PKHD1: variants seen among roughly 807,000 people sequenced by gnomAD.
PKHD1 encodes fibrocystin.
Under a neutral mutation model 412.0 loss-of-function variants are expected in PKHD1, and 291 were observed. That is an observed-to-expected ratio of 0.71 (90% CI 0.64 to 0.78). PKHD1 has a LOEUF of 0.78. PKHD1 is among the 30% of genes least tolerant of loss of function. The pLI is 0.00. For synonymous variants in PKHD1, 1,777 were observed against 1,821.5 expected (o/e 0.98, Z 0.62); for missense variants, 4,825 against 4,950.7 (o/e 0.97, Z 0.76).
intron 60 of PKHD1, among the ~76,000 whole-genome samples, chr6:51,724,656 G>A (rs892904203): frequency 1.3e-5 from 2 of 152,110 alleles, no homozygotes; most frequent in Admixed American, 1.3e-4. Flanking sequence ...ATGACCCTAA[G>A]ATGGCCATGT....
chr6:51,869,576 A>G (rs1414764126), intron 47 of PKHD1, among the ~76,000 whole-genome samples: 1 of 152,152 alleles, frequency 6.6e-6, no homozygotes, highest in Non-Finnish European at 1.5e-5. Flanking sequence ...AGCCAATACT[A>G]TTCAGTGAAA....
intron 37 of PKHD1, among the ~76,000 whole-genome samples, chr6:51,912,980 T>C (rs567345207): frequency 6.6e-6 from 1 of 152,100 alleles, no homozygotes; most frequent in East Asian, 1.9e-4. Context: ...CATCATAGGG[T>C]TTTGGAAGGA....
intron 60 of PKHD1, chr6:51,741,206 C>T (rs749752086): frequency 5.8e-6 from 3 of 518,690 alleles, no homozygotes; most frequent in South Asian, 2.8e-5. Flanking sequence ...AAAATGAACA[C>T]TCTTATGATT....
In PKHD1 at chr6:51,847,873, C is replaced by T. The variant is rs1583013252; in HGVS notation, c.8009G>A (p.Ser2670Asn). ...AAATGGAAAAGACAGACCCACTCGA[C>T]TCCCACATCTTAGGAGGATGTCAGG... ...PYPDILLRCG[S>N]RVGLSFPFLP... The change falls in exon 50 of 67, where the codon AGT (serine) becomes AAT (asparagine). Residue 2670 changes from serine to asparagine, a missense_variant. Ser to Asn is a conservative substitution (Grantham distance 46). Transcript: ENST00000371117. The T allele has an allele frequency of 6.2e-7, 1 of 1,613,768 alleles. No individual in the cohort carries two copies. The highest frequency in any genetic ancestry group is 8.5e-7 in the Non-Finnish European group (1 of 1,179,628).
intron 37 of PKHD1, among the ~76,000 whole-genome samples, chr6:51,926,047 CA>C (rs1473234955): frequency 1.4e-5 from 2 of 145,566 alleles, no homozygotes; most frequent in African/African-American, 5.0e-5. Flanking sequence ...AAAATAAATA[CA>C]AAAAAATGTG....
At chr6:51,695,872 CTG>C (rs1451317799) in intron 60 of PKHD1, among the ~76,000 whole-genome samples, 8 of 152,068 alleles carry the variant, frequency 5.3e-5, no homozygotes, top group Non-Finnish European at 8.8e-5. Flanking sequence ...TATCTTGTGT[CTG>C]TTGTACATTT....
At position 51,917,091 on chromosome 6, in the gene PKHD1, C is replaced by T. The variant is rs2127688434; in HGVS notation, c.6122-4515G>A. ...AAAATCACTAATTGTCCTCTGTTTGCTTACTTTGTAGGACTTAAATCTTTA... is the reference window on the plus strand; with the variant it reads ...AAAATCACTAATTGTCCTCTGTTTGTTTACTTTGTAGGACTTAAATCTTTA... On this transcript the variant is annotated intron_variant, in intron 37 of 66. Coordinates refer to ENST00000371117, the MANE Select transcript of PKHD1 (RefSeq NM_138694.4). Among the ~76,000 whole-genome samples the T allele has an allele frequency of 2.2e-5, 3 of 134,252 alleles. No individual in the cohort carries two copies. The Admixed American group carries it at 2.7e-4, about 12-fold the overall frequency. 88.1% of individuals were successfully genotyped at this position (134,252 alleles called of 152,430 possible).
intron 14 of PKHD1, among the ~76,000 whole-genome samples, chr6:52,061,326 G>A (rs1024289323): frequency 2.0e-5 from 3 of 151,990 alleles, no homozygotes; most frequent in Non-Finnish European, 4.4e-5. Context: ...GTAGCTACAG[G>A]TGCACACCAT....
intron 40 of PKHD1, among the ~76,000 whole-genome samples, chr6:51,908,170 C>T (rs919427473): frequency 2.0e-5 from 3 of 152,086 alleles, no homozygotes; most frequent in African/African-American, 7.2e-5. Flanking sequence ...GCGGAGCCAT[C>T]CTCTGAAATG....
chr6:51,780,371 A>G (rs1030297461), intron 53 of PKHD1, among the ~76,000 whole-genome samples: 12 of 151,904 alleles, frequency 7.9e-5, no homozygotes, highest in Non-Finnish European at 1.8e-4. Context: ...CTGGTGACAG[A>G]GAAAGACTCC....
chr6:51,993,600 G>A (rs926557180), intron 35 of PKHD1, among the ~76,000 whole-genome samples: 6 of 152,222 alleles, frequency 3.9e-5, no homozygotes, highest in African/African-American at 1.4e-4. Context: ...CAAACTGGAA[G>A]CTGAAGTTGA....
intron 60 of PKHD1, among the ~76,000 whole-genome samples, chr6:51,729,546 T>G (rs1783000432): frequency 6.6e-6 from 1 of 152,172 alleles, no homozygotes; most frequent in Non-Finnish European, 1.5e-5. Flanking sequence ...TTTTACTGTT[T>G]TATTTATTCA....
chr6:51,950,220 A>AAAAAAATATATATATATATAT lies in PKHD1; in HGVS notation c.5908+9649_5908+9650insATATATATATATATATTTTTT. ...AATGGGCAATATAGAGAAAAAAAAA[A>AAAAAAATATATATATATATAT]ATATATATATATATATATATGAAAT... is the stretch of plus-strand genomic sequence containing the variant. On this transcript the variant is annotated intron_variant, in intron 36 of 66. Coordinates refer to ENST00000371117, the MANE Select transcript of PKHD1 (RefSeq NM_138694.4). 5.4e-4 allele frequency among the ~76,000 whole-genome samples: 53 copies of AAAAAAATATATATATATATAT among 98,286 alleles called. No individual in the cohort carries two copies. The East Asian group carries it at 5.4e-3, about 10-fold the overall frequency. The allele number at this position is 98,286 out of a possible 152,430, so 64.5% of individuals were successfully genotyped here.
intron 50 of PKHD1, among the ~76,000 whole-genome samples, chr6:51,845,525 T>C (rs72907915): frequency 0.033 from 5,079 of 152,368 alleles, 114 homozygotes; most frequent in Non-Finnish European, 0.055. Flanking sequence ...TTATTCCTTT[T>C]CCAACTCATA....
intron 53 of PKHD1, among the ~76,000 whole-genome samples, chr6:51,776,910 G>T (rs1178153178): frequency 6.6e-6 from 1 of 152,046 alleles, no homozygotes; most frequent in African/African-American, 2.4e-5. Flanking sequence ...ATTGTTCAGG[G>T]AATTTGTCAA....
intron 60 of PKHD1, among the ~76,000 whole-genome samples, chr6:51,694,186 G>C (rs1778504048): frequency 6.6e-6 from 1 of 151,808 alleles, no homozygotes; most frequent in Non-Finnish European, 1.5e-5. Context: ...CAGCTTGTTA[G>C]TTTTTAACAA....
intron 6 of PKHD1, among the ~76,000 whole-genome samples, chr6:52,074,173 G>C (rs1475052733): frequency 6.6e-6 from 1 of 152,194 alleles, no homozygotes; most frequent in Non-Finnish European, 1.5e-5. Context: ...AGCATACTGA[G>C]GGACTCATGA....
intron 60 of PKHD1, among the ~76,000 whole-genome samples, chr6:51,736,257 C>T (rs965563694): frequency 6.6e-6 from 1 of 152,228 alleles, no homozygotes; most frequent in Non-Finnish European, 1.5e-5. Context: ...CCATAGATCA[C>T]ATGCCTGTTC....
At chr6:51,636,295 G>A (rs620122) in intron 64 of PKHD1, among the ~76,000 whole-genome samples, 2,232 of 152,078 alleles carry the variant, frequency 0.015, 46 homozygotes, top group African/African-American at 0.05. Context: ...GACCAGGCAC[G>A]GGGACTAATG....
Sources: allele counts gnomAD v4.1 joint callset (sites outside exome capture counted in the v4.1 genomes callset), GRCh38; gene constraint gnomAD v4.1.1; transcripts MANE v1.5; gene names NCBI Gene and HGNC (gene_info 2026-07-23, HGNC 2026-07-21).